PPP2R3A: variants seen among roughly 807,000 people sequenced by gnomAD.
The protein encoded by PPP2R3A is protein phosphatase 2 regulatory subunit B''alpha.
PPP2R3A carries 80 observed loss-of-function variants against 106.9 expected under a neutral mutation model. The ratio of observed to expected loss-of-function variants is 0.75; its 90% CI spans 0.62 to 0.90. The LOEUF (loss-of-function observed/expected upper bound fraction) is 0.90, where lower values mean the gene tolerates loss of function less well. PPP2R3A is among the 40% of genes least tolerant of loss of function. The pLI is 0.00. For synonymous variants in PPP2R3A, 483 were observed against 468.3 expected, an observed-to-expected ratio of 1.03 and a Z score of -0.41; for missense variants, 1,386 against 1,350.4, an observed-to-expected ratio of 1.03 and a Z score of -0.41.
intron 7 of PPP2R3A, chr3:136,079,078 T>C (rs1440370710): frequency 1.6e-5 from 6 of 379,788 alleles, no homozygotes; most frequent in Non-Finnish European, 3.2e-5. Flanking sequence ...TTAAGAATCA[T>C]ACTAAATGGA....
chr3:136,063,377 T>C (rs543752933), intron 5 of PPP2R3A, among the ~76,000 whole-genome samples: 1,861 of 152,234 alleles, frequency 0.012, 40 homozygotes, highest in African/African-American at 0.043. Flanking sequence ...GACTTCATGA[T>C]TAAAACACCA....
At chr3:136,138,771 G>A (rs1938733290) in intron 13 of PPP2R3A, among the ~76,000 whole-genome samples, 1 of 122,946 alleles carries the variant, frequency 8.1e-6, no homozygotes, top group African/African-American at 3.2e-5. Flanking sequence ...GAGTGCAGTG[G>A]CACAATCTCA....
Position 136,002,523 on chromosome 3 carries a change from C to G in PPP2R3A, c.1025C>G (p.Ala342Gly). ...PKYEDVVQLSASDSGRFQTIE... is the reference protein window; with the variant it reads ...PKYEDVVQLSGSDSGRFQTIE... ...TATGAAGATGTTGTCCAGCTCTCAG[C>G]TTCTGACTCTGGACGATTTCAAACT... The change falls in exon 2 of 14, where the codon GCT (alanine) becomes GGT (glycine). Residue 342 changes from alanine to glycine, a missense_variant. By Grantham distance (60) the Ala-to-Gly change is moderately conservative. Coordinates refer to ENST00000264977, the MANE Select transcript of PPP2R3A (RefSeq NM_002718.5). 1.2e-6 allele frequency: 2 copies of G among 1,614,036 alleles called. No homozygotes were observed. Among genetic ancestry groups the G allele is most frequent in the Non-Finnish European group, 1.7e-6 (2 of 1,179,920 alleles).
chr3:136,054,415 C>T (rs1935792047), intron 5 of PPP2R3A, among the ~76,000 whole-genome samples: 1 of 152,032 alleles, frequency 6.6e-6, no homozygotes, highest in Non-Finnish European at 1.5e-5. Context: ...CGCGCCACCA[C>T]ACCCAGCTAA....
At chr3:136,087,248 T>TCTCTCTCTCTCTCTCC (rs1936967389) in intron 8 of PPP2R3A, among the ~76,000 whole-genome samples, 2 of 66,490 alleles carry the variant, frequency 3.0e-5, no homozygotes, top group South Asian at 4.8e-4. Context: ...TAGTCGTGTC[T>TCTCTCTCTCTCTCTCC]CTCTCTCTCT....
intron 2 of PPP2R3A, among the ~76,000 whole-genome samples, chr3:136,013,176 GTGTGTGTATGTA>G (rs1282935039): frequency 2.4e-5 from 3 of 123,410 alleles, no homozygotes; most frequent in African/African-American, 9.0e-5. Context: ...GTGTGTGTGT[GTGTGTGTATGTA>G]TGTATGTATG....
At chr3:136,008,415 A>G (rs1285359771) in intron 2 of PPP2R3A, among the ~76,000 whole-genome samples, 1 of 152,202 alleles carries the variant, frequency 6.6e-6, no homozygotes, top group Non-Finnish European at 1.5e-5. Context: ...CCTGGTGGCA[A>G]ATAGGAATTT....
chr3:135,973,541 T>G (rs1293377573), intron 1 of PPP2R3A, among the ~76,000 whole-genome samples: 1 of 152,150 alleles, frequency 6.6e-6, no homozygotes, highest in Non-Finnish European at 1.5e-5. Context: ...TATCCAGAAT[T>G]GAAAGTATAT....
intron 6 of PPP2R3A, among the ~76,000 whole-genome samples, chr3:136,077,258 C>A (rs1936628184): frequency 6.6e-6 from 1 of 152,160 alleles, no homozygotes. Context: ...CATCCTGATG[C>A]TAGTTTTTCC....
At chr3:136,023,685 A>G (rs1205906511) in intron 2 of PPP2R3A, among the ~76,000 whole-genome samples, 3 of 152,088 alleles carry the variant, frequency 2.0e-5, no homozygotes, top group Admixed American at 6.6e-5. Flanking sequence ...TTAAAGCAAG[A>G]CGTATTTGTC....
chr3:135,994,258 G>A (rs1933296568), intron 1 of PPP2R3A, among the ~76,000 whole-genome samples: 2 of 152,146 alleles, frequency 1.3e-5, no homozygotes, highest in African/African-American at 4.8e-5. Context: ...GCTGGAGTTA[G>A]TAAGCCTGGT....
At chr3:135,977,794 G>A (rs571465465) in intron 1 of PPP2R3A, among the ~76,000 whole-genome samples, 170 of 149,218 alleles carry the variant, frequency 1.1e-3, no homozygotes, top group African/African-American at 3.8e-3. Flanking sequence ...CCGCTTCCCG[G>A]GCTCAAGCGA....
intron 2 of PPP2R3A, among the ~76,000 whole-genome samples, chr3:136,011,652 A>G (rs1201879269): frequency 6.6e-6 from 1 of 152,156 alleles, no homozygotes; most frequent in Non-Finnish European, 1.5e-5. Context: ...CAGAAGCTCT[A>G]TTATACCATA....
chr3:136,106,688 G>T, intron 13 of PPP2R3A: 1 of 195,732 alleles, frequency 5.1e-6, no homozygotes, highest in Non-Finnish European at 1.0e-5. Flanking sequence ...TTGGGAGGCC[G>T]AGGCGGGTGG....
At chr3:136,142,836 A>G (rs1361686126) in intron 13 of PPP2R3A, among the ~76,000 whole-genome samples, 2 of 152,124 alleles carry the variant, frequency 1.3e-5, no homozygotes, top group African/African-American at 4.8e-5. Flanking sequence ...GGTATTTAAC[A>G]CTGATAGCTT....
At chr3:136,017,135 A>G (rs551358553) in intron 2 of PPP2R3A, among the ~76,000 whole-genome samples, 4 of 152,232 alleles carry the variant, frequency 2.6e-5, no homozygotes, top group Non-Finnish European at 5.9e-5. Context: ...AGGAGGCTAA[A>G]GATATGACCC....
intron 4 of PPP2R3A, among the ~76,000 whole-genome samples, chr3:136,047,774 G>A (rs576713578): frequency 1.5e-3 from 234 of 152,192 alleles, no homozygotes; most frequent in Non-Finnish European, 2.9e-3. Flanking sequence ...GTGTGGTGGC[G>A]GGTGCCTGTA....
intron 13 of PPP2R3A, among the ~76,000 whole-genome samples, 173 bp from the exon 14 acceptor site, chr3:136,144,870 G>A (rs1394977224): frequency 1.3e-5 from 2 of 152,186 alleles, no homozygotes; most frequent in Admixed American, 6.5e-5. Flanking sequence ...AGAAGAATGT[G>A]TTTTCTGCTC....
At chr3:136,133,129 G>A (rs1938487062) in intron 13 of PPP2R3A, among the ~76,000 whole-genome samples, 1 of 152,070 alleles carries the variant, frequency 6.6e-6, no homozygotes, top group Non-Finnish European at 1.5e-5. Flanking sequence ...ACCTTGGGTT[G>A]GGCAAGAGTA....
Sources: allele counts gnomAD v4.1 joint callset (sites outside exome capture counted in the v4.1 genomes callset), GRCh38; gene constraint gnomAD v4.1.1; transcripts MANE v1.5; gene names NCBI Gene and HGNC (gene_info 2026-07-23, HGNC 2026-07-21).